The following EBF1 variants were observed in gnomAD, a reference collection of about 807,000 sequenced individuals.
EBF1 encodes the protein EBF transcription factor 1, also known as transcription factor COE1.
Under a neutral mutation model 68.4 loss-of-function variants are expected in EBF1, and 10 were observed. The ratio of observed to expected loss-of-function variants is 0.15; its 90% CI spans 0.09 to 0.25. The LOEUF (loss-of-function observed/expected upper bound fraction) is 0.25, where lower values mean the gene tolerates loss of function less well. EBF1 is among the 10% of genes least tolerant of loss of function. The pLI, the probability that EBF1 is intolerant of heterozygous loss-of-function variation, is 1.00. For synonymous variants in EBF1, 298 were observed against 299.8 expected, an observed-to-expected ratio of 0.99 and a Z score of 0.06; for missense variants, 509 against 794.4, an observed-to-expected ratio of 0.64 and a Z score of 4.32.
At chr5:158,704,512 G>T (rs1757445466) in intron 15 of EBF1, among the ~76,000 whole-genome samples, 1 of 152,130 alleles carries the variant, frequency 6.6e-6, no homozygotes, top group Non-Finnish European at 1.5e-5. Flanking sequence ...TCACAATTCT[G>T]AACTAGGTGG....
chr5:158,990,012 A>G (rs1561724146), intron 6 of EBF1, among the ~76,000 whole-genome samples: 2 of 152,208 alleles, frequency 1.3e-5, no homozygotes. Flanking sequence ...ACAAAACACA[A>G]CAACACTTCA....
intron 6 of EBF1, among the ~76,000 whole-genome samples, chr5:158,921,209 C>T (rs1808352592): frequency 6.6e-6 from 1 of 151,764 alleles, no homozygotes; most frequent in Non-Finnish European, 1.5e-5. Flanking sequence ...TGATGAGCTT[C>T]GTTTCGCCTA....
chr5:158,946,485 A>G (rs1351400236), intron 6 of EBF1, among the ~76,000 whole-genome samples: 2 of 152,102 alleles, frequency 1.3e-5, no homozygotes, highest in Admixed American at 6.5e-5. Context: ...TCCACTCCAG[A>G]CCCTGTTTGC....
chr5:158,911,917 T>C (rs1273468719), intron 6 of EBF1, among the ~76,000 whole-genome samples: 1 of 152,252 alleles, frequency 6.6e-6, no homozygotes, highest in Non-Finnish European at 1.5e-5. Context: ...GCATCAATAA[T>C]GATTCATAAA....
At chr5:158,842,760 A>G (rs1273651576) in intron 6 of EBF1, among the ~76,000 whole-genome samples, 3 of 152,226 alleles carry the variant, frequency 2.0e-5, no homozygotes, top group Non-Finnish European at 4.4e-5. Flanking sequence ...ACTGCTAAGA[A>G]CAAATCTGTT....
At chr5:159,048,455 C>A (rs1376561136) in intron 6 of EBF1, among the ~76,000 whole-genome samples, 7 of 152,178 alleles carry the variant, frequency 4.6e-5, no homozygotes, top group Admixed American at 3.9e-4. Context: ...CACACCAGCA[C>A]CCTGGGACAG....
intron 7 of EBF1, among the ~76,000 whole-genome samples, chr5:158,835,248 C>T (rs1188798734): frequency 3.9e-5 from 6 of 152,196 alleles, no homozygotes; most frequent in Non-Finnish European, 8.8e-5. Context: ...TCTTAGCAGA[C>T]TACTCTGAGA....
intron 6 of EBF1, among the ~76,000 whole-genome samples, chr5:158,909,968 A>G (rs1379921784): frequency 6.9e-6 from 1 of 145,886 alleles, no homozygotes; most frequent in African/African-American, 2.7e-5. Context: ...AAAAAAAAAA[A>G]AAAAAAAAAA....
intron 6 of EBF1, among the ~76,000 whole-genome samples, chr5:158,957,939 A>G: frequency 6.6e-6 from 1 of 152,204 alleles, no homozygotes; most frequent in Non-Finnish European, 1.5e-5. Context: ...AATATCTTTT[A>G]CACGAGGCTT....
In EBF1 at chr5:159,069,402, C is replaced by T. The variant is rs1777423393; in HGVS notation, c.554+3994G>A. 2.0e-5 allele frequency among the ~76,000 whole-genome samples: 3 copies of T among 152,038 alleles called. No homozygotes were observed. The South Asian group carries it at 6.2e-4, about 32-fold the overall frequency. ...TGCAAATAAGCAACAGAAATCTAGC[C>T]AGAAACTTCAGGAGTCTGTGTGAAA... On this transcript the variant is annotated intron_variant, in intron 6 of 15. Transcript: ENST00000313708.
intron 11 of EBF1, among the ~76,000 whole-genome samples, chr5:158,729,623 ATTAT>A (rs1051058529): frequency 4.6e-5 from 7 of 152,208 alleles, no homozygotes; most frequent in Non-Finnish European, 1.0e-4. Context: ...TTATAGTTAG[ATTAT>A]TTAATCTACT....
intron 6 of EBF1, among the ~76,000 whole-genome samples, chr5:158,875,056 T>TACACAC (rs3035121): frequency 0.036 from 5,312 of 147,338 alleles, 175 homozygotes; most frequent in African/African-American, 0.09. Flanking sequence ...CACACACACA[T>TACACAC]ACACACACAC....
chr5:158,886,871 G>T (rs953164275), intron 6 of EBF1, among the ~76,000 whole-genome samples: 1 of 152,064 alleles, frequency 6.6e-6, no homozygotes, highest in East Asian at 1.9e-4. Context: ...GTGTGGCGGC[G>T]GGCACGTGTA....
At chr5:159,066,053 C>T (rs1291055375) in intron 6 of EBF1, among the ~76,000 whole-genome samples, 1 of 152,014 alleles carries the variant, frequency 6.6e-6, no homozygotes, top group Non-Finnish European at 1.5e-5. Flanking sequence ...AGCTAAGAGG[C>T]ATCTATTAGA....
At chr5:158,863,106 C>G (rs1326155348) in intron 6 of EBF1, among the ~76,000 whole-genome samples, 1 of 152,164 alleles carries the variant, frequency 6.6e-6, no homozygotes, top group Non-Finnish European at 1.5e-5. Flanking sequence ...CTTTATGTTC[C>G]TTTATGCTAA....
chr5:158,974,495 A>T (rs1756308833), intron 6 of EBF1, among the ~76,000 whole-genome samples: 1 of 152,138 alleles, frequency 6.6e-6, no homozygotes, highest in African/African-American at 2.4e-5. Flanking sequence ...AAAAATCCTC[A>T]TTGGAAACAT....
At chr5:158,774,984 TAA>T (rs397815862) in intron 10 of EBF1, among the ~76,000 whole-genome samples, 5 of 139,466 alleles carry the variant, frequency 3.6e-5, no homozygotes, top group Non-Finnish European at 3.1e-5. Flanking sequence ...CTAGAATATT[TAA>T]AAAAAAAAAA....
chr5:158,978,428 A>G (rs1383133710), intron 6 of EBF1, among the ~76,000 whole-genome samples: 1 of 152,056 alleles, frequency 6.6e-6, no homozygotes, highest in Non-Finnish European at 1.5e-5. Context: ...ATTTTTTTGG[A>G]TCTGCTTTAC....
At chr5:159,044,050 T>C (rs895923509) in intron 6 of EBF1, among the ~76,000 whole-genome samples, 3 of 152,032 alleles carry the variant, frequency 2.0e-5, no homozygotes, top group Admixed American at 2.0e-4. Flanking sequence ...TTTATACAAT[T>C]CCCCCAGGGA....
Sources: allele counts gnomAD v4.1 joint callset (sites outside exome capture counted in the v4.1 genomes callset), GRCh38; gene constraint gnomAD v4.1.1; transcripts MANE v1.5; gene names NCBI Gene and HGNC (gene_info 2026-07-23, HGNC 2026-07-21).